The following CFAP47 variants were observed in gnomAD, a reference collection of about 807,000 sequenced individuals.
CFAP47 encodes the protein cilia- and flagella-associated protein 47.
A neutral mutation model predicts 148.1 loss-of-function variants in CFAP47; 29 were observed. The ratio of observed to expected loss-of-function variants is 0.20; its 90% CI spans 0.15 to 0.27. CFAP47 has a LOEUF of 0.27. Ranked by LOEUF, CFAP47 falls within the 10% of genes least tolerant of loss-of-function variation. The pLI is 1.00. For missense variants in CFAP47, 1,872 were observed against 1,697.5 expected (o/e 1.10, Z -1.81); for synonymous variants, 664 against 577.3 (o/e 1.15, Z -2.15).
Position 35,975,276 on chromosome X carries a change from C to T in CFAP47, c.2384C>T (p.Thr795Ile). ...ACTGATTTAGAAGAACTTCAGAAGA[C>T]CAACCAATTTTCATACGTGATTCTA... is the stretch of plus-strand genomic sequence containing the variant. ...LDTDLEELQK[T>I]NQFSYVILPT... The change falls in exon 14 of 64, where the codon ACC becomes ATC. Residue 795 changes from threonine to isoleucine, a missense_variant. Transcript: ENST00000378653. The T allele has an allele frequency of 8.3e-7, 1 of 1,205,640 alleles. No homozygotes were observed. The highest frequency in any genetic ancestry group is 1.7e-5 in the African/African-American group (1 of 57,468).
At chrX:36,034,668 C>T (rs1208751108) in intron 23 of CFAP47, among the ~76,000 whole-genome samples, 1 of 110,650 alleles carries the variant, frequency 9.0e-6, no homozygotes, top group African/African-American at 3.3e-5. Context: ...AGCTCTTCTA[C>T]GTTGGTCCTT....
Position 36,375,233 on chromosome X carries a change from C to T in CFAP47, c.9186-4117C>T, listed in dbSNP as rs1310672705. On this transcript the variant is annotated intron_variant, in intron 62 of 63. Transcript: ENST00000378653. Reference sequence around the variant, plus strand: ...AAAGAGAATGGGAGGGGAGAGCGCACGCAGTTATGGGAACAAGATATTTTC... The same window carrying T: ...AAAGAGAATGGGAGGGGAGAGCGCATGCAGTTATGGGAACAAGATATTTTC... The T allele has an allele frequency of 6.2e-5, 14 of 227,473 alleles. No homozygotes were observed. In the South Asian group the frequency reaches 6.9e-4, roughly 11 times the overall value. The allele number at this position is 227,473 out of a possible 1,213,427, so 18.7% of individuals were successfully genotyped here.
intron 42 of CFAP47, among the ~76,000 whole-genome samples, chrX:36,199,741 T>TTA (rs1427891600): frequency 2.2e-4 from 25 of 111,428 alleles, no homozygotes; most frequent in Admixed American, 6.7e-4. Flanking sequence ...GCTACTTGGC[T>TTA]TCAGTTAGTG....
chrX:36,049,552 A>G (rs971115372), intron 26 of CFAP47, among the ~76,000 whole-genome samples: 2 of 110,222 alleles, frequency 1.8e-5, no homozygotes, highest in African/African-American at 3.3e-5. Context: ...TGTTCCACAT[A>G]TAGTAATGAT....
intron 22 of CFAP47, among the ~76,000 whole-genome samples, chrX:36,029,895 T>C (rs1937261476): frequency 9.0e-6 from 1 of 110,693 alleles, no homozygotes; most frequent in Non-Finnish European, 1.9e-5. Flanking sequence ...GAGTTCTTAG[T>C]ATTTACTAAT....
chrX:36,103,501 GAAAAAAAAAAAAAAA>G (rs61501194), intron 32 of CFAP47, among the ~76,000 whole-genome samples: 5 of 15,056 alleles, frequency 3.3e-4, no homozygotes, highest in African/African-American at 4.8e-4. Context: ...TCATATGCCA[GAAAAAAAAAAAAAAA>G]AAAAAAAAAA....
intron 35 of CFAP47, among the ~76,000 whole-genome samples, chrX:36,142,025 TA>T (rs397946794): frequency 1.2e-4 from 13 of 108,615 alleles, no homozygotes; most frequent in African/African-American, 3.4e-4. Context: ...TGATTAAAAA[TA>T]AAAAAAAAGA....
intron 15 of CFAP47, among the ~76,000 whole-genome samples, chrX:35,983,510 A>G (rs1466347472): frequency 4.5e-5 from 5 of 111,641 alleles, no homozygotes; most frequent in Non-Finnish European, 9.4e-5. Context: ...TGGGAATAGA[A>G]ATTCTTGTTT....
chrX:35,943,551 T>G (rs1219712939), intron 3 of CFAP47, among the ~76,000 whole-genome samples: 4 of 111,509 alleles, frequency 3.6e-5, no homozygotes, highest in African/African-American at 1.3e-4. Context: ...TTTATAGAAA[T>G]GGTTCCCAAA....
chrX:36,032,317 AC>A (rs1343038038), intron 23 of CFAP47, among the ~76,000 whole-genome samples: 2 of 110,436 alleles, frequency 1.8e-5, no homozygotes, highest in East Asian at 2.8e-4. Flanking sequence ...GAAAAAAAAA[AC>A]GTGACTCTAA....
At chrX:36,272,510 A>C (rs782635386) in intron 49 of CFAP47, among the ~76,000 whole-genome samples, 12 of 111,492 alleles carry the variant, frequency 1.1e-4, no homozygotes, top group Non-Finnish European at 2.1e-4. Context: ...TCATCAGACA[A>C]GGGCACTTTT....
intron 1 of CFAP47, among the ~76,000 whole-genome samples, chrX:35,923,909 G>A (rs756925382): frequency 3.3e-5 from 2 of 60,994 alleles, no homozygotes; most frequent in African/African-American, 1.5e-4. Flanking sequence ...ATATGTACAT[G>A]TGTATATATG....
chrX:36,175,340 G>A (rs1939657183), intron 39 of CFAP47, among the ~76,000 whole-genome samples: 1 of 112,337 alleles, frequency 8.9e-6, no homozygotes, highest in African/African-American at 3.2e-5. Flanking sequence ...CGTTGCTGTT[G>A]AGGAACTGCG....
chrX:36,352,852 TATTTAA>T (rs1417405178), intron 59 of CFAP47, among the ~76,000 whole-genome samples: 107 of 109,657 alleles, frequency 9.8e-4, no homozygotes, highest in African/African-American at 3.2e-3. Flanking sequence ...TATATATATA[TATTTAA>T]TTCTGTACAT....
At chrX:36,037,042 T>C (rs1937346102) in intron 24 of CFAP47, among the ~76,000 whole-genome samples, 1 of 112,044 alleles carries the variant, frequency 8.9e-6, no homozygotes, top group South Asian at 3.7e-4. Flanking sequence ...CATTCTGAAA[T>C]TTGTTTAGTA....
intron 21 of CFAP47, among the ~76,000 whole-genome samples, chrX:36,014,081 C>T (rs769246978): frequency 1.8e-4 from 20 of 111,802 alleles, no homozygotes; most frequent in Middle Eastern, 4.7e-3. Context: ...ATGTGTTTTA[C>T]GTGTTCACAT....
chrX:35,920,868 A>C (rs1935566857), intron 1 of CFAP47, among the ~76,000 whole-genome samples: 1 of 112,060 alleles, frequency 8.9e-6, no homozygotes, highest in Non-Finnish European at 1.9e-5. Context: ...GCAGAAAAAA[A>C]AGATGTCCGT....
At chrX:36,057,427 A>G (rs1224554399) in intron 26 of CFAP47, among the ~76,000 whole-genome samples, 1 of 111,835 alleles carries the variant, frequency 8.9e-6, no homozygotes, top group Non-Finnish European at 1.9e-5. Flanking sequence ...AGCAAGTCAA[A>G]CATCAACAAC....
chrX:36,053,678 C>T (rs1053434799), intron 26 of CFAP47, among the ~76,000 whole-genome samples: 3 of 111,849 alleles, frequency 2.7e-5, no homozygotes, highest in Non-Finnish European at 3.8e-5. Flanking sequence ...TCAAACAAAC[C>T]ATAGTCTCTA....
Sources: gnomAD v4.1 joint callset for allele counts (sites outside exome capture counted in the v4.1 genomes callset) on GRCh38, gnomAD v4.1.1 for gene constraint, MANE v1.5 for transcripts, NCBI Gene and HGNC (gene_info 2026-07-23, HGNC 2026-07-21) for gene names.